NEMF: variants seen among roughly 807,000 people sequenced by gnomAD.
The protein encoded by NEMF is ribosome quality control complex subunit NEMF.
NEMF carries 89 observed loss-of-function variants against 162.2 expected under a neutral mutation model. That is an observed-to-expected ratio of 0.55 (90% confidence interval 0.46 to 0.65). The LOEUF (loss-of-function observed/expected upper bound fraction) is 0.65, where lower values mean the gene tolerates loss of function less well. NEMF is among the 30% of genes least tolerant of loss of function. The probability of loss-of-function intolerance (pLI) is 0.00; values close to 1 mark genes in which losing one functional copy is unlikely to be tolerated. For synonymous variants in NEMF, 421 were observed against 404.5 expected (o/e 1.04, Z -0.49); for missense variants, 1,133 against 1,261.9 (o/e 0.90, Z 1.55).
intron 4 of NEMF, 191 bp downstream of exon 4, chr14:49,845,949 A>T (rs1594809979): frequency 3.5e-6 from 2 of 566,324 alleles, no homozygotes; most frequent in East Asian, 5.7e-5. Context: ...AAGTCTGCCT[A>T]AACTCAGACC....
intron 29 of NEMF, 27 bp downstream of exon 29, chr14:49,786,691 A>T (rs1427451708): frequency 6.3e-7 from 1 of 1,586,258 alleles, no homozygotes; most frequent in Admixed American, 1.7e-5. Flanking sequence ...ACAGTGTTGT[A>T]GTAGGAACCC....
At chr14:49,824,650 A>G (rs1392731187) in intron 16 of NEMF, among the ~76,000 whole-genome samples, 2 of 151,662 alleles carry the variant, frequency 1.3e-5, no homozygotes, top group African/African-American at 4.8e-5. Context: ...GCTAGTCTCG[A>G]ACTCCAGAGG....
chr14:49,841,319 A>C (rs1224461016), intron 4 of NEMF, among the ~76,000 whole-genome samples: 2 of 152,050 alleles, frequency 1.3e-5, no homozygotes, highest in African/African-American at 2.4e-5. Flanking sequence ...TCATGCCTGT[A>C]ATCACAGCAC....
rs565594833 is a variant in NEMF at position 49,826,460 on chromosome 14, C to T, written c.1489-505G>A. On this transcript the variant is annotated intron_variant, in intron 15 of 32. Coordinates refer to ENST00000298310, the MANE Select transcript of NEMF (RefSeq NM_004713.6). ...TGGGTTATGGTCAAAGAAGGTATCT[C>T]TGAGGAAATGACATTTAAGCTGAAT... Among the ~76,000 whole-genome samples the T allele has an allele frequency of 2.0e-4, 30 of 147,264 alleles. 1 individual carries two copies. Among genetic ancestry groups the T allele is most frequent in the Admixed American group, 1.8e-3 (26 of 14,294 alleles).
chr14:49,815,782 G>A (rs191610159), intron 16 of NEMF, among the ~76,000 whole-genome samples: 1 of 152,158 alleles, frequency 6.6e-6, no homozygotes, highest in Non-Finnish European at 1.5e-5. Flanking sequence ...GGTTAACATG[G>A]TGAAAACCCG....
At chr14:49,801,954 CT>C (rs199736302) in intron 22 of NEMF, among the ~76,000 whole-genome samples, 37,626 of 144,268 alleles carry the variant, frequency 0.26, 5,477 homozygotes, top group Non-Finnish European at 0.36. Context: ...CAATTAAATA[CT>C]TTTTTTTTTT....
At chr14:49,812,489 A>G (rs1946514409) in intron 18 of NEMF, among the ~76,000 whole-genome samples, 1 of 152,026 alleles carries the variant, frequency 6.6e-6, no homozygotes, top group African/African-American at 2.4e-5. Flanking sequence ...GTGCAAAGTT[A>G]GGTTACTGAT....
chr14:49,808,300 G>A (rs1329026379), intron 18 of NEMF, among the ~76,000 whole-genome samples: 1 of 152,182 alleles, frequency 6.6e-6, no homozygotes, highest in East Asian at 1.9e-4. Flanking sequence ...AGCCTCCCAA[G>A]TAGCTTGGAT....
Position 49,782,779 on chromosome 14 carries a change from C to A in NEMF, c.*1857G>T, listed in dbSNP as rs750053052. On this transcript the variant is annotated 3_prime_UTR_variant, in exon 33 of 33. Coordinates refer to ENST00000298310, the MANE Select transcript of NEMF (RefSeq NM_004713.6). ...TTATGTAGTTTTTCAAGTGAATGTA[C>A]TTCCAAACAGTAAAGTGAAATTACT... 2 of 1,588,064 alleles carry A rather than the reference C, an allele frequency of 1.3e-6. No homozygotes were observed. Among genetic ancestry groups the A allele is most frequent in the East Asian group, 2.2e-5 (1 of 44,586 alleles).
chr14:49,796,203 A>T, intron 25 of NEMF: 1 of 536,432 alleles, frequency 1.9e-6, no homozygotes, highest in South Asian at 1.5e-5. Flanking sequence ...ACTCATCCTT[A>T]CTCACTAGGC....
At chr14:49,836,020 T>A (rs1204068613) in intron 6 of NEMF, among the ~76,000 whole-genome samples, 3 of 152,210 alleles carry the variant, frequency 2.0e-5, no homozygotes, top group Admixed American at 6.5e-5. Flanking sequence ...CTCCCCAAAC[T>A]GATCCACAGA....
At chr14:49,788,558 CTTTT>C (rs34178212) in intron 28 of NEMF, among the ~76,000 whole-genome samples, 2 of 44,560 alleles carry the variant, frequency 4.5e-5, no homozygotes, top group Non-Finnish European at 6.1e-5. Flanking sequence ...TTCTCTCTCT[CTTTT>C]TTTTTTTTTT....
chr14:49,803,934 G>C (rs1275022333), intron 19 of NEMF, among the ~76,000 whole-genome samples: 5 of 151,830 alleles, frequency 3.3e-5, no homozygotes, highest in African/African-American at 1.2e-4. Context: ...ATAAAGCTAT[G>C]TTTACTAAAA....
At position 49,840,741 on chromosome 14, in the gene NEMF, A is replaced by C. The variant is rs1456074873; in HGVS notation, c.483T>G (p.Ala161=). Residue 161 remains alanine (A), a synonymous_variant, in exon 5 of 33, where the codon GCT becomes GCG. Transcript: ENST00000298310. ...ERYPLDHARA[A]EPLLTLERLT... ...ACCTTTCCAAAGTAAGCAAAGGTTC[A>C]GCAGCTCTAGCATGATCAAGTGGAT... 1 of 1,612,908 alleles carries C rather than the reference A, an allele frequency of 6.2e-7. No individual in the cohort carries two copies. The highest frequency in any genetic ancestry group is 1.7e-5 in the Admixed American group (1 of 59,608).
At chr14:49,798,392 TGCTC>T (rs1432733628) in intron 25 of NEMF, among the ~76,000 whole-genome samples, 2 of 152,340 alleles carry the variant, frequency 1.3e-5, no homozygotes, top group South Asian at 4.1e-4. Context: ...ATAATTATCT[TGCTC>T]GCTTTCATTC....
intron 16 of NEMF, among the ~76,000 whole-genome samples, chr14:49,822,355 A>G (rs1416633162): frequency 6.6e-6 from 1 of 151,662 alleles, no homozygotes; most frequent in Non-Finnish European, 1.5e-5. Flanking sequence ...AAAGAGGAAA[A>G]AAAAAAAGTA....
Position 49,828,792 on chromosome 14 carries a change from T to A in NEMF, c.1248A>T (p.Leu416Phe). Reference protein sequence around the residue: ...VTMLLRNPYLLSEEEDDDVDG... With the variant: ...VTMLLRNPYLFSEEEDDDVDG... ...CAACATCATCATCTTCCTCCTCTGA[T>A]AACAAGTATGGATTTCTATTAAAAA... The change falls in exon 14 of 33, where the codon TTA (leucine) becomes TTT (phenylalanine). Residue 416 changes from leucine (L) to phenylalanine (F), a missense_variant. Around this residue, in one of 3 missense-constraint regions of NEMF, gnomAD observed 582 missense variants for 631.5 expected, o/e 0.92. Transcript: ENST00000298310. The A allele has an allele frequency of 1.3e-6, 2 of 1,544,260 alleles. No individual in the cohort carries two copies. Among genetic ancestry groups the A allele is most frequent in the Non-Finnish European group, 1.8e-6 (2 of 1,141,000 alleles).
intron 18 of NEMF, among the ~76,000 whole-genome samples, chr14:49,812,593 T>G (rs1050340363): frequency 3.3e-5 from 5 of 152,208 alleles, no homozygotes; most frequent in African/African-American, 1.2e-4. Flanking sequence ...TTTGACACAC[T>G]GTATTTTCAT....
At chr14:49,806,265 T>TATATATATATATATAA (rs1891207554) in intron 18 of NEMF, 132 bp from the exon 19 acceptor site, 2 of 75,888 alleles carry the variant, frequency 2.6e-5, no homozygotes, top group African/African-American at 9.1e-5. Flanking sequence ...TATTTTTTTT[T>TATATATATATATATAA]TTTTTTTTTT....
Sources: gnomAD v4.1 joint callset for allele counts (sites outside exome capture counted in the v4.1 genomes callset) on GRCh38, gnomAD v4.1.1 for gene constraint, gnomAD v4.1.1 regional missense constraint, MANE v1.5 for transcripts, NCBI Gene and HGNC (gene_info 2026-07-23, HGNC 2026-07-21) for gene names.